The following RET variants were observed in gnomAD, a reference collection of about 807,000 sequenced individuals.
RET encodes ret proto-oncogene, also known as proto-oncogene tyrosine-protein kinase receptor Ret.
In RET, 19 loss-of-function variants were observed where a neutral mutation model predicts 118.3. The observed-to-expected ratio is 0.16, with a 90% CI of 0.11 to 0.24. The LOEUF (loss-of-function observed/expected upper bound fraction) is 0.24. Among genes scored for constraint, RET ranks in the 10% least tolerant of loss-of-function variants. The pLI is 1.00. For missense variants in RET, 1,219 were observed against 1,502.1 expected (o/e 0.81, Z 3.12); for synonymous variants, 597 against 644.1 (o/e 0.93, Z 1.11).
At chr10:43,108,268 G>A (rs1354966146) in intron 5 of RET, among the ~76,000 whole-genome samples, 1 of 152,114 alleles carries the variant, frequency 6.6e-6, no homozygotes, top group Non-Finnish European at 1.5e-5. Context: ...GTGGGAGGAT[G>A]GCTGGAGCCT....
chr10:43,094,933 C>T (rs898906594), intron 1 of RET, among the ~76,000 whole-genome samples: 1 of 152,178 alleles, frequency 6.6e-6, no homozygotes, highest in Non-Finnish European at 1.5e-5. Flanking sequence ...TGCAATGTGT[C>T]CGCCTGAGTC....
chr10:43,123,566 G>A lies in RET; in HGVS notation c.2802-105G>A, dbSNP rs372189842. Reference sequence around the variant, plus strand: ...TCTGTGAGCATCTGTGCTTGAAGCCGACAGGGTCAGCAGGTGCTTGGTGGT... The same window carrying A: ...TCTGTGAGCATCTGTGCTTGAAGCCAACAGGGTCAGCAGGTGCTTGGTGGT... On this transcript the variant is annotated intron_variant, in intron 16 of 19. Transcript: ENST00000355710. 6.5e-5 allele frequency: 96 copies of A among 1,482,592 alleles called. 1 individual carries two copies. The East Asian group carries it at 1.7e-3, about 27-fold the overall frequency. 91.8% of individuals were successfully genotyped at this position (1,482,592 alleles called of 1,614,324 possible).
chr10:43,085,751 T>TGG (rs1837276405), intron 1 of RET, among the ~76,000 whole-genome samples: 8 of 152,194 alleles, frequency 5.3e-5, no homozygotes, highest in African/African-American at 1.4e-4. Flanking sequence ...TCCCCTTCCC[T>TGG]GCATGGCATC....
chr10:43,096,606 C>G (rs746209099), intron 1 of RET, among the ~76,000 whole-genome samples: 5 of 152,272 alleles, frequency 3.3e-5, no homozygotes, highest in African/African-American at 1.2e-4. Flanking sequence ...ATGCCTCCCC[C>G]ACTTCGAAGC....
intron 16 of RET, among the ~76,000 whole-genome samples, chr10:43,122,379 G>T (rs1238168827): frequency 6.6e-6 from 1 of 152,132 alleles, no homozygotes; most frequent in East Asian, 1.9e-4. Flanking sequence ...GTAGGGCTTT[G>T]GGCTCAGGCA....
chr10:43,083,393 G>C (rs546357842), intron 1 of RET, among the ~76,000 whole-genome samples: 1 of 152,224 alleles, frequency 6.6e-6, no homozygotes, highest in African/African-American at 2.4e-5. Flanking sequence ...GGGGCTTAAC[G>C]CCATCTACTA....
intron 5 of RET, among the ~76,000 whole-genome samples, chr10:43,107,935 G>C (rs542149735): frequency 4.6e-5 from 7 of 152,044 alleles, no homozygotes; most frequent in Non-Finnish European, 1.0e-4. Flanking sequence ...AAAGACTTCA[G>C]GTCAGTACAA....
intron 5 of RET, among the ~76,000 whole-genome samples, chr10:43,107,079 C>G (rs1444238937): frequency 1.3e-5 from 2 of 152,370 alleles, no homozygotes; most frequent in South Asian, 2.1e-4. Context: ...TGCAGGGCAC[C>G]TTTCAGCAGC....
chr10:43,104,540 C>T (rs1348807218), intron 3 of RET, among the ~76,000 whole-genome samples: 6 of 152,144 alleles, frequency 3.9e-5, no homozygotes, highest in Non-Finnish European at 7.4e-5. Context: ...GCAGCCAAGG[C>T]CAGTAGCTGG....
Position 43,124,993 on chromosome 10 carries a change from G to A in RET, c.3039+11G>A. ...ATGGTTAAGAGGAGAGTGAGTGCCT[G>A]GGTCCAATTCCCACAAGCTGAAAGT... On this transcript the variant is annotated intron_variant, in intron 18 of 19. Transcript: ENST00000355710. 6.2e-7 allele frequency: 1 copy of A among 1,613,414 alleles called. No individual in the cohort carries two copies. Among genetic ancestry groups the A allele is most frequent in the Non-Finnish European group, 8.5e-7 (1 of 1,179,382 alleles).
At chr10:43,089,279 C>T (rs549243702) in intron 1 of RET, among the ~76,000 whole-genome samples, 1 of 152,322 alleles carries the variant, frequency 6.6e-6, no homozygotes, top group Non-Finnish European at 1.5e-5. Flanking sequence ...GTCCCAGGGT[C>T]TCCAGCCTTA....
At chr10:43,112,821 A>T (rs1395664153) in intron 8 of RET, 32 bp from the exon 9 acceptor site, 6 of 1,577,256 alleles carry the variant, frequency 3.8e-6, no homozygotes, top group Non-Finnish European at 4.4e-6. Context: ...GGGCTCCCAC[A>T]TGGGTGACAG....
intron 12 of RET, among the ~76,000 whole-genome samples, chr10:43,117,957 G>A (rs757762479): frequency 1.4e-4 from 22 of 152,176 alleles, no homozygotes; most frequent in Non-Finnish European, 3.1e-4. Context: ...GTCGCGGTGT[G>A]TGGACCTCCT....
rs1247476725 is a variant in RET at position 43,119,617 on chromosome 10, C to G, written c.2479C>G (p.Leu827Val). The change falls in exon 14 of 20, where the codon CTG (leucine) becomes GTG (valine). Residue 827 changes from leucine to valine, a missense_variant. This residue lies in a region of RET where 850 missense variants were observed against 969.6 expected (regional missense o/e 0.88). Coordinates refer to ENST00000355710, the MANE Select transcript of RET (RefSeq NM_020975.6). ...GAGCCGCAAAGTGGGGCCTGGCTAC[C>G]TGGGCAGTGGAGGCAGCCGCAACTC... ...RESRKVGPGY[L>V]GSGGSRNSSS... The G allele has an allele frequency of 6.2e-7, 1 of 1,612,970 alleles. No homozygotes were observed.
chr10:43,110,751 A>G (rs1837897695), intron 6 of RET, among the ~76,000 whole-genome samples: 1 of 151,976 alleles, frequency 6.6e-6, no homozygotes, highest in Non-Finnish European at 1.5e-5. Flanking sequence ...GGCAGGGTGG[A>G]CCTCTAAACC....
rs757686830 is a variant in RET at position 43,104,925 on chromosome 10, C to T, written c.626-27C>T. ...GGCCCGGTCCCGGCTGGTGATCACG[C>T]GGGGCCCCTGTCTGCTTGGTGCGCA... On this transcript the variant is annotated intron_variant, in intron 3 of 19. Coordinates refer to ENST00000355710, the MANE Select transcript of RET (RefSeq NM_020975.6). The T allele has an allele frequency of 3.9e-6, 6 of 1,548,124 alleles. No homozygotes were observed. In the African/African-American group the frequency reaches 4.1e-5, roughly 10 times the overall value.
intron 1 of RET, among the ~76,000 whole-genome samples, chr10:43,098,868 T>G (rs1837576236): frequency 3.3e-5 from 5 of 152,230 alleles, no homozygotes; most frequent in Admixed American, 3.3e-4. Context: ...TGTGTAAATA[T>G]CTATTTGAGA....
intron 7 of RET, among the ~76,000 whole-genome samples, chr10:43,111,736 A>G (rs1298400907): frequency 6.6e-6 from 1 of 152,200 alleles, no homozygotes; most frequent in Non-Finnish European, 1.5e-5. Flanking sequence ...CTCGAAAGAC[A>G]CACCTCTAGG....
At chr10:43,116,243 A>G (rs1420968586) in intron 11 of RET, among the ~76,000 whole-genome samples, 1 of 152,164 alleles carries the variant, frequency 6.6e-6, no homozygotes, top group Non-Finnish European at 1.5e-5. Flanking sequence ...GTTGTCCTGG[A>G]CACTTCCACT....
Sources: gnomAD v4.1 joint callset for allele counts (sites outside exome capture counted in the v4.1 genomes callset) on GRCh38, gnomAD v4.1.1 for gene constraint, gnomAD v4.1.1 regional missense constraint, MANE v1.5 for transcripts, NCBI Gene and HGNC (gene_info 2026-07-23, HGNC 2026-07-21) for gene names.